Variants in SLC25A53 observed in about 807,000 individuals in gnomAD.
SLC25A53 encodes mitochondrial carrier triple repeat protein 6.
Under a neutral mutation model 15.0 loss-of-function variants are expected in SLC25A53, and 5 were observed. The ratio of observed to expected loss-of-function variants is 0.33; its 90% CI spans 0.17 to 0.70. The LOEUF is 0.70. SLC25A53 is among the 30% of genes least tolerant of loss of function. SLC25A53 has a pLI of 0.67. For synonymous variants in SLC25A53, 95 were observed against 100.0 expected, an observed-to-expected ratio of 0.95 and a Z score of 0.30; for missense variants, 216 against 241.6, an observed-to-expected ratio of 0.89 and a Z score of 0.70.
In SLC25A53 at chrX:104,104,402, G is replaced by A. The variant is rs1556354497; in HGVS notation, c.856C>T (p.Leu286Phe). ...AGGAAGTCATGGATTGCCGTAGTGA[G>A]GCCCCATGTCACACTGGACCTTAGG... ...VILRSSVTWG[L>F]TTAIHDFLQR... The change falls in exon 2 of 2, where the codon CTC (leucine) becomes TTC (phenylalanine). Residue 286 changes from leucine to phenylalanine, a missense_variant. Transcript: ENST00000594199. 3.3e-6 allele frequency: 4 copies of A among 1,211,726 alleles called. No homozygotes were observed. The highest frequency in any genetic ancestry group is 1.1e-6 in the Non-Finnish European group (1 of 895,434).
intron 1 of SLC25A53, among the ~76,000 whole-genome samples, chrX:104,134,512 T>C (rs1300234481): frequency 9.0e-6 from 1 of 111,280 alleles, no homozygotes; most frequent in African/African-American, 3.3e-5. Flanking sequence ...ACCACCTGAG[T>C]TTGAATCTAG....
At position 104,107,933 on chromosome X, in the gene SLC25A53, A is replaced by G. The variant is rs782197763; in HGVS notation, c.-31-2645T>C. Among the ~76,000 whole-genome samples, 3 of 111,964 alleles carry G rather than the reference A, an allele frequency of 2.7e-5. No homozygotes were observed. In the East Asian group the frequency reaches 8.4e-4, roughly 31 times the overall value. The stretch of plus-strand genomic sequence containing the variant: ...AGAAAGGGCAAAATAATTTTTAGTC[A>G]TCTCCATACTGTATCTGTCAGAGGG... On this transcript the variant is annotated intron_variant, in intron 1 of 1. Transcript: ENST00000594199.
At chrX:104,142,514 G>A (rs782359234) in intron 1 of SLC25A53, among the ~76,000 whole-genome samples, 2 of 111,539 alleles carry the variant, frequency 1.8e-5, no homozygotes, top group African/African-American at 6.5e-5. Flanking sequence ...AGTAGAAATC[G>A]TTTTTTATAA....
chrX:104,150,127 G>A (rs927981703), intron 1 of SLC25A53, among the ~76,000 whole-genome samples: 1 of 108,958 alleles, frequency 9.2e-6, no homozygotes, highest in Non-Finnish European at 1.9e-5. Context: ...CAGCTACTTG[G>A]GAGGCTGAGG....
intron 1 of SLC25A53, among the ~76,000 whole-genome samples, 178 bp from the exon 2 acceptor site, chrX:104,105,466 A>T (rs1407317296): frequency 8.9e-6 from 1 of 112,546 alleles, no homozygotes; most frequent in Non-Finnish European, 1.9e-5. Flanking sequence ...ATTAACTTTA[A>T]ATTAAAAGAA....
intron 1 of SLC25A53, among the ~76,000 whole-genome samples, chrX:104,132,626 C>T (rs1489787707): frequency 8.9e-6 from 1 of 111,836 alleles, no homozygotes; most frequent in Non-Finnish European, 1.9e-5. Context: ...ACACCCTGGA[C>T]AAAATTTTTT....
intron 1 of SLC25A53, among the ~76,000 whole-genome samples, chrX:104,125,358 G>C (rs1440027694): frequency 1.8e-5 from 2 of 111,649 alleles, no homozygotes; most frequent in Non-Finnish European, 3.8e-5. Context: ...CCTCTCCACT[G>C]TCCCAAACCT....
chrX:104,109,860 T>C (rs1556357522), intron 1 of SLC25A53, among the ~76,000 whole-genome samples: 1 of 112,412 alleles, frequency 8.9e-6, no homozygotes, highest in Non-Finnish European at 1.9e-5. Context: ...AAGGCAGCTA[T>C]TATTGTTTCA....
chrX:104,145,511 T>C (rs1208603158), intron 1 of SLC25A53, among the ~76,000 whole-genome samples: 1 of 111,353 alleles, frequency 9.0e-6, no homozygotes, highest in Non-Finnish European at 1.9e-5. Flanking sequence ...AAAAAATCAA[T>C]GAACCCAGGA....
intron 1 of SLC25A53, among the ~76,000 whole-genome samples, chrX:104,106,624 CAGAGAGTCCA>C (rs1389010536): frequency 9.0e-6 from 1 of 111,302 alleles, no homozygotes; most frequent in Non-Finnish European, 1.9e-5. Flanking sequence ...AATGGGGAAC[CAGAGAGTCCA>C]AGCTGAGGTC....
Position 104,100,821 on chromosome X carries a change from T to C in SLC25A53, c.*3513A>G, listed in dbSNP as rs1556352169. 8.9e-6 allele frequency: 1 copy of C among 112,254 alleles called. No homozygotes were observed. The highest frequency in any genetic ancestry group is 1.9e-5 in the Non-Finnish European group (1 of 53,301). The allele number at this position is 112,254 out of a possible 1,213,427, so 9.3% of individuals were successfully genotyped here. ...TTACACCACGGCAATCAGCACAGAA[T>C]ATTTCCATGTCCAGATGTGTGGAGT... On this transcript the variant is annotated 3_prime_UTR_variant, in exon 2 of 2. Coordinates refer to ENST00000594199, the MANE Select transcript of SLC25A53 (RefSeq NM_001012755.5).
rs372721182 is a variant in SLC25A53 at position 104,104,317 on chromosome X, T to G, written c.*17A>C. 40 of 1,196,516 alleles carry G rather than the reference T, an allele frequency of 3.3e-5. No homozygotes were observed. In the East Asian group the frequency reaches 6.8e-4, roughly 20 times the overall value. Reference sequence around the variant, plus strand: ...AAGATTTAGAATAACAAAGCTGCCATGCCACACTTTCTGCAGCTAGTCAGT... The same window carrying G: ...AAGATTTAGAATAACAAAGCTGCCAGGCCACACTTTCTGCAGCTAGTCAGT... On this transcript the variant is annotated 3_prime_UTR_variant, in exon 2 of 2. Coordinates refer to ENST00000594199, the MANE Select transcript of SLC25A53 (RefSeq NM_001012755.5).
At chrX:104,152,186 C>A (rs1556370482) in intron 1 of SLC25A53, among the ~76,000 whole-genome samples, 1 of 106,690 alleles carries the variant, frequency 9.4e-6, no homozygotes, top group Non-Finnish European at 1.9e-5. Flanking sequence ...ATTAACTCGT[C>A]ATTTAGCATT....
At chrX:104,139,880 T>G (rs1372381352) in intron 1 of SLC25A53, among the ~76,000 whole-genome samples, 1 of 113,170 alleles carries the variant, frequency 8.8e-6, no homozygotes, top group Non-Finnish European at 1.9e-5. Context: ...AATGTGGCTT[T>G]TAGTAAACAC....
In SLC25A53 at chrX:104,100,692, A is replaced by G. The variant is rs1262707313; in HGVS notation, c.*3642T>C. The G allele has an allele frequency of 8.9e-6, 1 of 112,629 alleles. No individual in the cohort carries two copies. The highest frequency in any genetic ancestry group is 3.2e-5 in the African/African-American group (1 of 31,022). The allele number at this position is 112,629 out of a possible 1,213,427, so 9.3% of individuals were successfully genotyped here. A position where few individuals can be genotyped will look rare whatever the true frequency, so the allele number is the denominator to read the frequency against. On this transcript the variant is annotated 3_prime_UTR_variant, in exon 2 of 2. Transcript: ENST00000594199. ...TGCATAGCTTCAAGCTTCAACATAC[A>G]TAAAGTTTTTATAAAGGCAAATATA... is the stretch of plus-strand genomic sequence containing the variant.
At chrX:104,144,987 C>G (rs781860573) in intron 1 of SLC25A53, among the ~76,000 whole-genome samples, 1 of 112,039 alleles carries the variant, frequency 8.9e-6, no homozygotes, top group African/African-American at 3.2e-5. Flanking sequence ...GAACTCTCCA[C>G]CCCAAATCAA....
intron 1 of SLC25A53, among the ~76,000 whole-genome samples, chrX:104,110,066 C>T (rs2075331981): frequency 9.0e-6 from 1 of 111,656 alleles, no homozygotes; most frequent in Non-Finnish European, 1.9e-5. Context: ...AGTAGCCCAA[C>T]CCTGGCACCT....
intron 1 of SLC25A53, among the ~76,000 whole-genome samples, chrX:104,148,805 A>G (rs1556369826): frequency 1.8e-5 from 2 of 112,159 alleles, no homozygotes; most frequent in Admixed American, 9.4e-5. Flanking sequence ...CACGTTGTGC[A>G]CATGTACCCC....
chrX:104,126,773 A>C (rs781878649), intron 1 of SLC25A53, among the ~76,000 whole-genome samples: 1 of 112,826 alleles, frequency 8.9e-6, no homozygotes, highest in South Asian at 3.6e-4. Context: ...TTAGTCACTA[A>C]GGAAATGCAA....
Sources: allele counts gnomAD v4.1 joint callset (sites outside exome capture counted in the v4.1 genomes callset), GRCh38; gene constraint gnomAD v4.1.1; transcripts MANE v1.5; gene names NCBI Gene and HGNC (gene_info 2026-07-23, HGNC 2026-07-21).